WDR41: variants seen among roughly 807,000 people sequenced by gnomAD.
WDR41 encodes WD repeat-containing protein 41.
WDR41 carries 63 observed loss-of-function variants against 69.3 expected under a neutral mutation model. The ratio of observed to expected loss-of-function variants is 0.91; its 90% CI spans 0.74 to 1.12. The LOEUF is 1.12. WDR41 is among the 50% of genes most tolerant of loss of function. The pLI, the probability that WDR41 is intolerant of heterozygous loss-of-function variation, is 0.00. For missense variants in WDR41, 543 were observed against 534.5 expected (o/e 1.02, Z -0.16); for synonymous variants, 185 against 192.1 (o/e 0.96, Z 0.31).
chr5:77,522,844 T>C (rs1004279511), intron 1 of WDR41, among the ~76,000 whole-genome samples: 1 of 152,072 alleles, frequency 6.6e-6, no homozygotes, highest in Non-Finnish European at 1.5e-5. Context: ...ACTGAAGATT[T>C]TGAAAGTGTA....
At chr5:77,602,581 T>A (rs1744344577) in intron 1 of WDR41, among the ~76,000 whole-genome samples, 1 of 142,462 alleles carries the variant, frequency 7.0e-6, no homozygotes, top group African/African-American at 2.5e-5. Flanking sequence ...GCAAATGACA[T>A]GATTTTTTTT....
intron 1 of WDR41, among the ~76,000 whole-genome samples, chr5:77,594,267 G>A (rs1333231915): frequency 1.6e-5 from 2 of 127,994 alleles, no homozygotes; most frequent in African/African-American, 2.9e-5. Context: ...GCCTGTTGTG[G>A]GGTGGGGGGA....
chr5:77,468,190 G>A (rs1171314368), intron 2 of WDR41, among the ~76,000 whole-genome samples: 1 of 152,034 alleles, frequency 6.6e-6, no homozygotes, highest in African/African-American at 2.4e-5. Flanking sequence ...CCCTAATTAT[G>A]AGAACTAAAT....
At chr5:77,455,385 A>G (rs993858566) in intron 5 of WDR41, among the ~76,000 whole-genome samples, 2 of 152,182 alleles carry the variant, frequency 1.3e-5, no homozygotes, top group Non-Finnish European at 2.9e-5. Context: ...CTTATCAGAT[A>G]TACAATTTGA....
At chr5:77,441,440 T>A in intron 8 of WDR41, among the ~76,000 whole-genome samples, 1 of 152,064 alleles carries the variant, frequency 6.6e-6, no homozygotes, top group Non-Finnish European at 1.5e-5. Flanking sequence ...GAGATCCTAG[T>A]AAGTAGCTGC....
chr5:77,594,929 T>A (rs1404679812), intron 1 of WDR41, among the ~76,000 whole-genome samples: 3 of 152,178 alleles, frequency 2.0e-5, no homozygotes, highest in African/African-American at 7.2e-5. Flanking sequence ...ATTCATGGGC[T>A]TGGATAAAGA....
chr5:77,584,512 T>C (rs1415365432), intron 1 of WDR41, among the ~76,000 whole-genome samples: 1 of 152,130 alleles, frequency 6.6e-6, no homozygotes, highest in Non-Finnish European at 1.5e-5. Context: ...ATTTAAGAAG[T>C]AAATAATTTT....
chr5:77,493,763 G>T (rs1309499278), upstream of WDR41, among the ~76,000 whole-genome samples: 1 of 152,184 alleles, frequency 6.6e-6, no homozygotes, highest in Non-Finnish European at 1.5e-5. Context: ...ATATCTTCAC[G>T]TGAGACAATG....
chr5:77,594,444 A>G (rs1744189942), intron 1 of WDR41, among the ~76,000 whole-genome samples: 1 of 152,040 alleles, frequency 6.6e-6, no homozygotes, highest in Non-Finnish European at 1.5e-5. Flanking sequence ...AATAAAAAAG[A>G]AATAAAAAAA....
At chr5:77,468,620 T>C (rs1800411931) in intron 2 of WDR41, among the ~76,000 whole-genome samples, 1 of 152,166 alleles carries the variant, frequency 6.6e-6, no homozygotes, top group Non-Finnish European at 1.5e-5. Flanking sequence ...AAAATTCAAA[T>C]GTTACCTTAA....
At chr5:77,498,554 C>G (rs1561207008) in intron 1 of WDR41, among the ~76,000 whole-genome samples, 1 of 152,100 alleles carries the variant, frequency 6.6e-6, no homozygotes, top group Non-Finnish European at 1.5e-5. Context: ...CATGGTGTCT[C>G]AAGCCTATAA....
intron 1 of WDR41, among the ~76,000 whole-genome samples, chr5:77,529,959 A>G (rs1034819958): frequency 1.3e-5 from 2 of 151,702 alleles, no homozygotes; most frequent in African/African-American, 4.8e-5. Flanking sequence ...GAAAACACTA[A>G]CCATAGAAAT....
chr5:77,446,297 T>A (rs1190260062), intron 8 of WDR41, among the ~76,000 whole-genome samples: 1 of 152,138 alleles, frequency 6.6e-6, no homozygotes, highest in Non-Finnish European at 1.5e-5. Flanking sequence ...TGGAAAAACA[T>A]TTCATCCTCA....
intron 1 of WDR41, among the ~76,000 whole-genome samples, chr5:77,594,710 G>T (rs187912893): frequency 5.7e-4 from 87 of 152,078 alleles, no homozygotes; most frequent in African/African-American, 1.9e-3. Context: ...CTATGGTAAC[G>T]TAACAGAGCC....
chr5:77,570,169 A>T (rs942502086), intron 1 of WDR41, among the ~76,000 whole-genome samples: 5 of 152,110 alleles, frequency 3.3e-5, no homozygotes, highest in African/African-American at 1.2e-4. Context: ...TTCTATTGAA[A>T]ACTAATTGTT....
At chr5:77,592,376 T>C (rs895585157) in intron 1 of WDR41, among the ~76,000 whole-genome samples, 8 of 152,172 alleles carry the variant, frequency 5.3e-5, no homozygotes, top group African/African-American at 1.9e-4. Context: ...TTCCTACTTG[T>C]GTTATTTGTT....
At chr5:77,550,063 T>G (rs1743268818) in intron 1 of WDR41, among the ~76,000 whole-genome samples, 1 of 151,928 alleles carries the variant, frequency 6.6e-6, no homozygotes, top group Non-Finnish European at 1.5e-5. Context: ...AAAAAGGACC[T>G]CGACATTTCA....
At chr5:77,582,298 A>ATG in intron 1 of WDR41, 1 of 1,356,268 alleles carries the variant, frequency 7.4e-7, no homozygotes, top group East Asian at 2.3e-5. Context: ...AAGAAAGTAG[A>ATG]CAATATGCAT....
At chr5:77,513,676 AT>A (rs1251812550) in intron 1 of WDR41, among the ~76,000 whole-genome samples, 3 of 152,216 alleles carry the variant, frequency 2.0e-5, no homozygotes, top group African/African-American at 7.2e-5. Flanking sequence ...CTTCATAAAA[AT>A]TTAAACATGT....
Sources: gnomAD v4.1 joint callset for allele counts (sites outside exome capture counted in the v4.1 genomes callset) on GRCh38, gnomAD v4.1.1 for gene constraint, MANE v1.5 for transcripts, NCBI Gene and HGNC (gene_info 2026-07-23, HGNC 2026-07-21) for gene names.